CALD1: variants seen among roughly 807,000 people sequenced by gnomAD.
CALD1 encodes caldesmon 1, also known as caldesmon.
Under a neutral mutation model 99.9 loss-of-function variants are expected in CALD1, and 33 were observed. The ratio of observed to expected loss-of-function variants is 0.33; its 90% CI spans 0.25 to 0.44. The LOEUF is 0.44. Ranked by LOEUF, CALD1 falls within the 20% of genes least tolerant of loss-of-function variation. The probability of loss-of-function intolerance (pLI) is 1.00; values close to 1 mark genes in which losing one functional copy is unlikely to be tolerated. For synonymous variants in CALD1, 310 were observed against 325.0 expected (o/e 0.95, Z 0.50); for missense variants, 861 against 962.1 (o/e 0.89, Z 1.39).
At chr7:134,929,617 T>TATACAC in intron 4 of CALD1, among the ~76,000 whole-genome samples, 3 of 22,112 alleles carry the variant, frequency 1.4e-4, no homozygotes, top group African/African-American at 3.9e-4. Context: ...TGTGTGTATA[T>TATACAC]ATACGTGTGT....
At chr7:134,877,110 T>C (rs1462651645) in intron 3 of CALD1, among the ~76,000 whole-genome samples, 2 of 152,260 alleles carry the variant, frequency 1.3e-5, no homozygotes, top group East Asian at 3.8e-4. Context: ...ACATGACTAG[T>C]GCTCATTCTG....
chr7:134,831,227 T>TG (rs1489885857), intron 1 of CALD1, among the ~76,000 whole-genome samples: 1 of 152,090 alleles, frequency 6.6e-6, no homozygotes, highest in Non-Finnish European at 1.5e-5. Flanking sequence ...TTACCTTTGT[T>TG]GAAAAAAAAG....
the CALD1 span, among the ~76,000 whole-genome samples, chr7:134,727,049 T>C: frequency 6.6e-6 from 1 of 152,264 alleles, no homozygotes; most frequent in Non-Finnish European, 1.5e-5. Flanking sequence ...AAGAGCTCAG[T>C]CATATTCTGA....
At chr7:134,965,669 T>A (rs1808622375) in intron 14 of CALD1, among the ~76,000 whole-genome samples, 1 of 152,124 alleles carries the variant, frequency 6.6e-6, no homozygotes, top group African/African-American at 2.4e-5. Flanking sequence ...CCGTATGGGA[T>A]ACCATGGTCT....
intron 14 of CALD1, among the ~76,000 whole-genome samples, chr7:134,966,243 C>T (rs1277880412): frequency 1.3e-5 from 2 of 152,228 alleles, no homozygotes; most frequent in Non-Finnish European, 2.9e-5. Flanking sequence ...CACTACAATT[C>T]ACTGCAGTGA....
chr7:134,800,472 G>C (rs1797900993), intron 1 of CALD1, among the ~76,000 whole-genome samples: 1 of 151,852 alleles, frequency 6.6e-6, no homozygotes, highest in South Asian at 2.1e-4. Context: ...TAACTATGTT[G>C]CTTAATACAC....
chr7:134,832,461 T>C (rs1401603683), intron 1 of CALD1, among the ~76,000 whole-genome samples: 1 of 152,184 alleles, frequency 6.6e-6, no homozygotes, highest in East Asian at 1.9e-4. Context: ...ATAAAAGCAG[T>C]CTGGAAAACC....
At chr7:134,824,037 GT>G (rs1255712826) in intron 1 of CALD1, among the ~76,000 whole-genome samples, 4 of 152,088 alleles carry the variant, frequency 2.6e-5, no homozygotes, top group Admixed American at 2.6e-4. Context: ...TGTCATGAAA[GT>G]AGAAGATTAG....
At chr7:134,831,031 A>T (rs565557845) in intron 1 of CALD1, among the ~76,000 whole-genome samples, 109 of 152,330 alleles carry the variant, frequency 7.2e-4, no homozygotes, top group African/African-American at 2.5e-3. Flanking sequence ...TTTATGTACA[A>T]GAATGTCCAT....
chr7:134,940,227 G>A (rs920861104), intron 6 of CALD1, among the ~76,000 whole-genome samples: 4 of 152,144 alleles, frequency 2.6e-5, no homozygotes, highest in Non-Finnish European at 2.9e-5. Context: ...GAAGTGATTT[G>A]AATTCCTTTA....
intron 1 of CALD1, among the ~76,000 whole-genome samples, chr7:134,801,672 T>A (rs1797946971): frequency 6.6e-6 from 1 of 152,190 alleles, no homozygotes; most frequent in Admixed American, 6.5e-5. Flanking sequence ...CAGGCTCCAG[T>A]GCCGTAGCAC....
intron 3 of CALD1, among the ~76,000 whole-genome samples, chr7:134,916,602 G>T (rs547209313): frequency 6.6e-6 from 1 of 152,214 alleles, no homozygotes; most frequent in Non-Finnish European, 1.5e-5. Flanking sequence ...TGATTTAGTG[G>T]CATCCACATG....
chr7:134,826,648 G>T (rs1279818760), intron 1 of CALD1, among the ~76,000 whole-genome samples: 3 of 148,918 alleles, frequency 2.0e-5, no homozygotes, highest in African/African-American at 7.3e-5. Flanking sequence ...TGATAATATT[G>T]GTTTTGTATT....
chr7:134,842,841 CT>C (rs1477374387), intron 1 of CALD1, among the ~76,000 whole-genome samples: 5 of 152,096 alleles, frequency 3.3e-5, no homozygotes, highest in African/African-American at 1.2e-4. Context: ...TAGAGGTTTC[CT>C]GGGGGTTCTA....
chr7:134,872,634 C>T (rs1252091475), intron 3 of CALD1, among the ~76,000 whole-genome samples: 1 of 152,094 alleles, frequency 6.6e-6, no homozygotes, highest in Non-Finnish European at 1.5e-5. Context: ...AGTCACTAAG[C>T]TCCTATTCTA....
chr7:134,850,178 C>T (rs754386625), intron 2 of CALD1, among the ~76,000 whole-genome samples: 7 of 152,282 alleles, frequency 4.6e-5, no homozygotes, highest in East Asian at 1.9e-4. Flanking sequence ...CAAATATGAA[C>T]GGAACCTAAC....
intron 3 of CALD1, chr7:134,920,753 TC>T: frequency 2.0e-6 from 2 of 1,006,218 alleles, no homozygotes; most frequent in Non-Finnish European, 2.7e-6. Context: ...ATGGTGAACT[TC>T]AATAGCATTC....
chr7:134,897,611 C>T (rs1041295073), intron 3 of CALD1, among the ~76,000 whole-genome samples: 3 of 152,092 alleles, frequency 2.0e-5, no homozygotes, highest in Non-Finnish European at 4.4e-5. Flanking sequence ...TTCAGGGCAG[C>T]TTAGGAAGCT....
chr7:134,950,613 C>T, intron 9 of CALD1, 99 bp downstream of exon 9: 1 of 979,066 alleles, frequency 1.0e-6, no homozygotes, highest in South Asian at 1.5e-5. Flanking sequence ...GTTCATTTAT[C>T]TTTTTGCTAT....
Sources: gnomAD v4.1 joint callset for allele counts (sites outside exome capture counted in the v4.1 genomes callset) on GRCh38, gnomAD v4.1.1 for gene constraint, MANE v1.5 for transcripts, NCBI Gene and HGNC (gene_info 2026-07-23, HGNC 2026-07-21) for gene names.